The following ZNF658 variants were observed in gnomAD, a reference collection of about 807,000 sequenced individuals.
The protein encoded by ZNF658 is zinc finger protein 658.
A neutral mutation model predicts 78.0 loss-of-function variants in ZNF658; 46 were observed. The ratio of observed to expected loss-of-function variants is 0.59; its 90% CI spans 0.47 to 0.75. The LOEUF (loss-of-function observed/expected upper bound fraction) is 0.75, where lower values mean the gene tolerates loss of function less well. Ranked by LOEUF, ZNF658 falls within the 30% of genes least tolerant of loss-of-function variation. The probability of loss-of-function intolerance (pLI) is 0.00; values close to 1 mark genes in which losing one functional copy is unlikely to be tolerated. For missense variants in ZNF658, 785 were observed against 1,189.3 expected, an observed-to-expected ratio of 0.66 and a Z score of 5.00; for synonymous variants, 279 against 408.4, an observed-to-expected ratio of 0.68 and a Z score of 3.82.
At chr9:66,922,252 G>A (rs1234269157), downstream of ZNF658, among the ~76,000 whole-genome samples, 1 of 150,744 alleles carries the variant, frequency 6.6e-6, no homozygotes, top group East Asian at 2.0e-4. Context: ...TGTCTGTCAG[G>A]GCTACCCTTG....
intron 2 of ZNF658, among the ~76,000 whole-genome samples, chr9:66,907,859 G>T (rs1043437898): frequency 2.0e-5 from 3 of 151,678 alleles, no homozygotes; most frequent in African/African-American, 7.3e-5. Context: ...TTTGGTCAGG[G>T]TATCTCCAGA....
At position 66,918,739 on chromosome 9, in the gene ZNF658, A is replaced by T; in HGVS notation, c.1173A>T (p.Lys391Asn). The change falls in exon 5 of 5, where the codon AAA (lysine) becomes AAT (asparagine). Residue 391 changes from lysine (K) to asparagine (N), a missense_variant. Coordinates refer to ENST00000621410, the MANE Select transcript of ZNF658 (RefSeq NM_033160.7). Reference sequence around the variant, plus strand: ...CTGATGAACATGGGAAATGCAGAAAATCCTTTTACCGGAAAGCACACCTCA... The same window carrying T: ...CTGATGAACATGGGAAATGCAGAAATTCCTTTTACCGGAAAGCACACCTCA... ...YLSDEHGKCR[K>N]SFYRKAHLIQ... 6.2e-7 allele frequency: 1 copy of T among 1,613,950 alleles called. No homozygotes were observed. Among genetic ancestry groups the T allele is most frequent in the Non-Finnish European group, 8.5e-7 (1 of 1,179,858 alleles).
intron 2 of ZNF658, among the ~76,000 whole-genome samples, chr9:66,903,940 T>A (rs1822014755): frequency 6.6e-6 from 1 of 152,136 alleles, no homozygotes; most frequent in Admixed American, 6.5e-5. Flanking sequence ...GGTGACTTAG[T>A]TAATAAATTG....
At chr9:66,929,406 ATTC>A (rs1338115304) in intron 6 of ZNF658, among the ~76,000 whole-genome samples, 2 of 133,404 alleles carry the variant, frequency 1.5e-5, no homozygotes, top group African/African-American at 5.7e-5. Context: ...GAAATTGAGA[ATTC>A]TTCTTAAAGC....
intron 4 of ZNF658, among the ~76,000 whole-genome samples, chr9:66,915,681 A>AAAG (rs1489839444): frequency 2.6e-5 from 4 of 151,818 alleles, no homozygotes; most frequent in Admixed American, 1.3e-4. Flanking sequence ...TTATCTCTTG[A>AAAG]ATGTCTGTTA....
chr9:66,913,547 A>G (rs558186763), intron 4 of ZNF658, among the ~76,000 whole-genome samples: 1 of 152,298 alleles, frequency 6.6e-6, no homozygotes, highest in East Asian at 1.9e-4. Flanking sequence ...TCCCGCTAGT[A>G]TAACTTCAGA....
chr9:66,909,315 A>G (rs1380023616), intron 4 of ZNF658, among the ~76,000 whole-genome samples: 3 of 151,240 alleles, frequency 2.0e-5, no homozygotes, highest in African/African-American at 4.9e-5. Flanking sequence ...AAATATGCCT[A>G]TTTTAGACAT....
intron 4 of ZNF658, among the ~76,000 whole-genome samples, chr9:66,914,509 G>A (rs1160602399): frequency 2.0e-5 from 3 of 151,822 alleles, no homozygotes; most frequent in Admixed American, 1.3e-4. Flanking sequence ...ACTGGTAGTG[G>A]GCATCTTTGT....
At chr9:66,905,068 C>CTTT (rs1165611922) in intron 2 of ZNF658, among the ~76,000 whole-genome samples, 1,091 of 31,724 alleles carry the variant, frequency 0.034, 150 homozygotes, top group East Asian at 0.046. Flanking sequence ...TTTTTCTTTT[C>CTTT]TTTTTTTTTT....
intron 2 of ZNF658, among the ~76,000 whole-genome samples, chr9:66,905,712 G>GT (rs1359279775): frequency 1.2e-4 from 17 of 141,174 alleles, no homozygotes; most frequent in African/African-American, 4.7e-4. Context: ...CAACTTTAAA[G>GT]TTTCTATTTG....
intron 4 of ZNF658, among the ~76,000 whole-genome samples, chr9:66,909,755 C>T (rs1055001982): frequency 3.3e-5 from 5 of 152,182 alleles, no homozygotes; most frequent in African/African-American, 1.2e-4. Flanking sequence ...ATTCTAGCCA[C>T]CCCAGTGGAT....
At chr9:66,917,763 A>G in intron 4 of ZNF658, 42 bp from the exon 5 acceptor site, 1 of 1,419,104 alleles carries the variant, frequency 7.0e-7, no homozygotes, top group Non-Finnish European at 9.3e-7. Flanking sequence ...CTCCATGAGA[A>G]ATGTAAGATT....
chr9:66,926,443 A>G (rs1256379154), intron 6 of ZNF658, among the ~76,000 whole-genome samples: 2 of 151,924 alleles, frequency 1.3e-5, no homozygotes, highest in Admixed American at 6.6e-5. Context: ...AACTCTCTGA[A>G]AGAAAATTAG....
chr9:66,903,343 G>A lies in ZNF658; in HGVS notation c.-44-175G>A, dbSNP rs140038355. 2,891 of 543,590 alleles carry A rather than the reference G, an allele frequency of 5.3e-3. 52 individuals carry two copies. The highest frequency in any genetic ancestry group is 0.048 in the African/African-American group (2,527 of 52,662). 33.7% of individuals were successfully genotyped at this position (543,590 alleles called of 1,614,324 possible). On this transcript the variant is annotated intron_variant, in intron 1 of 4. Transcript: ENST00000621410. The stretch of plus-strand genomic sequence containing the variant: ...GGAATCCTTTTCTCCAGCTGAGTGC[G>A]ATGATTTTTTTTTTTAGGCACATGA...
intron 6 of ZNF658, among the ~76,000 whole-genome samples, chr9:66,929,452 C>T (rs967839511): frequency 1.7e-4 from 25 of 144,192 alleles, no homozygotes; most frequent in Admixed American, 5.6e-4. Flanking sequence ...TGAGATTTGT[C>T]TCTTAAGCAC....
chr9:66,904,812 T>A (rs1587354170), intron 2 of ZNF658, among the ~76,000 whole-genome samples: 2 of 152,076 alleles, frequency 1.3e-5, no homozygotes, highest in Admixed American at 6.5e-5. Flanking sequence ...TATCTCAGGT[T>A]TTGTTTACCT....
chr9:66,910,275 T>C (rs920625845), intron 4 of ZNF658, among the ~76,000 whole-genome samples: 5 of 152,106 alleles, frequency 3.3e-5, no homozygotes, highest in African/African-American at 9.7e-5. Context: ...ATTCCAGAAA[T>C]CTTAAAAAGT....
intron 4 of ZNF658, among the ~76,000 whole-genome samples, chr9:66,909,901 G>A (rs1822173378): frequency 6.6e-6 from 1 of 152,186 alleles, no homozygotes; most frequent in South Asian, 2.1e-4. Context: ...AGTCTAAAAT[G>A]AAAGTACTAA....
chr9:66,919,665 C>T lies in ZNF658; in HGVS notation c.2099C>T (p.Ala700Val). 12 of 1,609,928 alleles carry T rather than the reference C, an allele frequency of 7.5e-6. No individual in the cohort carries two copies. The highest frequency in any genetic ancestry group is 9.3e-6 in the Non-Finnish European group (11 of 1,179,050). Reference protein sequence around the residue: ...DCEKTFAHNSALKIHQRIHTG... With the variant: ...DCEKTFAHNSVLKIHQRIHTG... ...GAGAAAACTTTTGCCCATAATTCAG[C>T]CCTCAAAATACATCAGAGAATTCAC... Residue 700 changes from alanine to valine, a missense_variant, in exon 5 of 5, where the codon GCC (alanine) becomes GTC (valine). Around this residue, in one of 12 missense-constraint regions of ZNF658, gnomAD observed 75 missense variants for 147.1 expected, o/e 0.51. Transcript: ENST00000621410.
Sources: gnomAD v4.1 joint callset for allele counts (sites outside exome capture counted in the v4.1 genomes callset) on GRCh38, gnomAD v4.1.1 for gene constraint, gnomAD v4.1.1 regional missense constraint, MANE v1.5 for transcripts, NCBI Gene and HGNC (gene_info 2026-07-23, HGNC 2026-07-21) for gene names.